Variants in MYO1B observed in about 807,000 individuals in gnomAD.
The protein encoded by MYO1B is myosin IB, also known as unconventional myosin-Ib.
A neutral mutation model predicts 159.7 loss-of-function variants in MYO1B; 72 were observed. That is an observed-to-expected ratio of 0.45 (90% CI 0.37 to 0.55). The LOEUF (loss-of-function observed/expected upper bound fraction) is 0.55, where lower values mean the gene tolerates loss of function less well. Ranked by LOEUF, MYO1B falls within the 20% of genes least tolerant of loss-of-function variation. The probability of loss-of-function intolerance (pLI) is 0.00; values close to 1 mark genes in which losing one functional copy is unlikely to be tolerated. For missense variants in MYO1B, 1,062 were observed against 1,364.8 expected (o/e 0.78, Z 3.50); for synonymous variants, 468 against 473.8 (o/e 0.99, Z 0.16).
chr2:191,361,873 C>G (rs1216611028), intron 8 of MYO1B, among the ~76,000 whole-genome samples: 2 of 151,980 alleles, frequency 1.3e-5, no homozygotes, highest in Admixed American at 1.3e-4. Context: ...TATCACTGCT[C>G]TATATTTATT....
At chr2:191,326,256 C>CTG (rs1167188297) in intron 3 of MYO1B, among the ~76,000 whole-genome samples, 1 of 152,148 alleles carries the variant, frequency 6.6e-6, no homozygotes, top group Non-Finnish European at 1.5e-5. Flanking sequence ...GCTTGGAAGA[C>CTG]TGGCATGTGG....
chr2:191,296,120 G>T lies in MYO1B; in HGVS notation c.145G>T (p.Gly49Ter). ...FDHSEIYTYIGSVVISVNPYR... is the reference protein window; with the variant it reads ...FDHSEIYTYI ...GTTCTTTCTTTTGCAGACATACATT[G>T]GAAGTGTGGTTATATCTGTTAACCC... The change falls in exon 3 of 31, where the codon GGA (glycine) becomes TGA (stop). Residue 49 changes from glycine to a stop codon, truncating the protein, a stop_gained. Coordinates refer to ENST00000392318, the MANE Select transcript of MYO1B (RefSeq NM_001130158.3). LOFTEE classifies it high-confidence loss of function. 6.3e-7 allele frequency: 1 copy of T among 1,577,978 alleles called. No individual in the cohort carries two copies. Among genetic ancestry groups the T allele is most frequent in the South Asian group, 1.1e-5 (1 of 87,296 alleles).
At chr2:191,310,244 C>T (rs1051294156) in intron 3 of MYO1B, among the ~76,000 whole-genome samples, 3 of 152,136 alleles carry the variant, frequency 2.0e-5, no homozygotes, top group Non-Finnish European at 4.4e-5. Flanking sequence ...ACACTCTCAC[C>T]AAGTCTGGAG....
chr2:191,342,663 G>A (rs565138488), intron 5 of MYO1B, among the ~76,000 whole-genome samples: 5 of 152,156 alleles, frequency 3.3e-5, no homozygotes, highest in Admixed American at 2.0e-4. Context: ...CCTTGCCAAC[G>A]TGATGAAACC....
At chr2:191,284,534 G>A (rs1474073796) in intron 2 of MYO1B, among the ~76,000 whole-genome samples, 2 of 152,214 alleles carry the variant, frequency 1.3e-5, no homozygotes, top group African/African-American at 4.8e-5. Flanking sequence ...TCTTAGTCCA[G>A]TGCCTATCAC....
intron 3 of MYO1B, among the ~76,000 whole-genome samples, chr2:191,298,668 G>A (rs1454752): frequency 1.3e-5 from 2 of 151,942 alleles, no homozygotes; most frequent in East Asian, 1.9e-4. Context: ...AATAATAATA[G>A]TAATAATAAA....
intron 3 of MYO1B, among the ~76,000 whole-genome samples, chr2:191,326,821 C>T (rs1053802849): frequency 2.8e-5 from 4 of 141,672 alleles, no homozygotes; most frequent in Admixed American, 7.3e-5. Context: ...TGTGTGCGCG[C>T]GCCATATATG....
chr2:191,420,129 G>A (rs769051162), intron 30 of MYO1B, among the ~76,000 whole-genome samples: 3 of 152,188 alleles, frequency 2.0e-5, no homozygotes, highest in Non-Finnish European at 4.4e-5. Context: ...CTGAGCCCGG[G>A]AAGGTCAAGG....
intron 4 of MYO1B, among the ~76,000 whole-genome samples, chr2:191,334,548 G>T (rs1238215625): frequency 6.6e-6 from 1 of 151,952 alleles, no homozygotes. Flanking sequence ...TTGTTCTATT[G>T]GTTTCAGTGC....
At chr2:191,308,331 A>ATAGAAAGCTTGTCCTGAT (rs1689778832) in intron 3 of MYO1B, among the ~76,000 whole-genome samples, 2 of 152,252 alleles carry the variant, frequency 1.3e-5, no homozygotes, top group Admixed American at 6.5e-5. Context: ...TTAAGAAGCC[A>ATAGAAAGCTTGTCCTGAT]TAGAAAGCTT....
chr2:191,310,440 T>A (rs1456576500), intron 3 of MYO1B, among the ~76,000 whole-genome samples: 1 of 152,166 alleles, frequency 6.6e-6, no homozygotes, highest in Non-Finnish European at 1.5e-5. Context: ...TGACATCAAA[T>A]GATCTGCCTG....
intron 2 of MYO1B, among the ~76,000 whole-genome samples, chr2:191,281,361 A>G (rs1287615799): frequency 2.0e-5 from 3 of 152,178 alleles, no homozygotes; most frequent in South Asian, 2.1e-4. Context: ...TGCAACACAC[A>G]GGGTCAGAGA....
chr2:191,383,069 G>C (rs1695136974), intron 14 of MYO1B, among the ~76,000 whole-genome samples: 1 of 152,122 alleles, frequency 6.6e-6, no homozygotes, highest in South Asian at 2.1e-4. Context: ...ACAGGTCAAG[G>C]GTGTTTGCTT....
intron 17 of MYO1B, chr2:191,388,019 C>A (rs1331602891): frequency 6.3e-6 from 1 of 158,592 alleles, no homozygotes; most frequent in Non-Finnish European, 1.4e-5. Flanking sequence ...CGTGGTGGCT[C>A]ACACCTATAA....
At chr2:191,278,625 A>G in intron 2 of MYO1B, among the ~76,000 whole-genome samples, 1 of 152,252 alleles carries the variant, frequency 6.6e-6, no homozygotes, top group East Asian at 1.9e-4. Flanking sequence ...AAATGTGTTT[A>G]CAGTTCAGAG....
intron 3 of MYO1B, among the ~76,000 whole-genome samples, chr2:191,318,396 T>C (rs1006559616): frequency 6.6e-6 from 1 of 152,204 alleles, no homozygotes; most frequent in Non-Finnish European, 1.5e-5. Flanking sequence ...TCAGTCTGAG[T>C]ATATAGAAAT....
At chr2:191,413,240 C>T (rs1697358640) in intron 27 of MYO1B, among the ~76,000 whole-genome samples, 1 of 152,162 alleles carries the variant, frequency 6.6e-6, no homozygotes, top group East Asian at 1.9e-4. Flanking sequence ...ATACACCTAA[C>T]CTACTGAACA....
At chr2:191,335,088 T>C (rs1691740882) in intron 4 of MYO1B, among the ~76,000 whole-genome samples, 1 of 152,160 alleles carries the variant, frequency 6.6e-6, no homozygotes, top group East Asian at 1.9e-4. Context: ...GACCCTGTGA[T>C]GAACTATCGT....
rs370234313 is a variant in MYO1B, at chr2:191,296,238, A to G, written c.251+12A>G. 2.7e-6 allele frequency: 4 copies of G among 1,503,592 alleles called. No homozygotes were observed. The African/African-American group carries it at 4.2e-5, about 16-fold the overall frequency. The allele number at this position is 1,503,592 out of a possible 1,614,324, so 93.1% of individuals were successfully genotyped here. On this transcript the variant is annotated intron_variant, in intron 3 of 30. Coordinates refer to ENST00000392318, the MANE Select transcript of MYO1B (RefSeq NM_001130158.3). Reference sequence around the variant, plus strand: ...CTGAGCCCTCACATGTAAGTACTGTACTAAAGCATTAAGTTTCTCTTTTAC... The same window carrying G: ...CTGAGCCCTCACATGTAAGTACTGTGCTAAAGCATTAAGTTTCTCTTTTAC...
Sources: allele counts gnomAD v4.1 joint callset (sites outside exome capture counted in the v4.1 genomes callset), GRCh38; gene constraint gnomAD v4.1.1; transcripts MANE v1.5; gene names NCBI Gene and HGNC (gene_info 2026-07-23, HGNC 2026-07-21).